Variants in TACC2 observed in about 807,000 individuals in gnomAD.
TACC2 encodes transforming acidic coiled-coil containing protein 2, also known as transforming acidic coiled-coil-containing protein 2.
A neutral mutation model predicts 227.3 loss-of-function variants in TACC2; 137 were observed. The observed-to-expected ratio is 0.60, with a 90% CI of 0.52 to 0.69. The LOEUF (loss-of-function observed/expected upper bound fraction) is 0.69. TACC2 is among the 30% of genes least tolerant of loss of function. The pLI, the probability that TACC2 is intolerant of heterozygous loss-of-function variation, is 0.00. For missense variants in TACC2, 3,470 were observed against 3,694.4 expected (o/e 0.94, Z 1.57); for synonymous variants, 1,523 against 1,487.5 (o/e 1.02, Z -0.55).
intron 2 of TACC2, among the ~76,000 whole-genome samples, chr10:122,048,535 G>A (rs973153023): frequency 7.0e-6 from 1 of 142,354 alleles, no homozygotes; most frequent in Admixed American, 7.6e-5. Flanking sequence ...TTCTGTTTCT[G>A]TTTTGTAGAG....
chr10:122,163,942 C>A (rs1315182403), intron 7 of TACC2: 3 of 1,584,998 alleles, frequency 1.9e-6, no homozygotes, highest in Non-Finnish European at 2.6e-6. Context: ...GGTCGCAGTC[C>A]CTGCAGCCAG....
intron 8 of TACC2, among the ~76,000 whole-genome samples, chr10:122,203,316 G>A (rs1279440266): frequency 1.5e-5 from 2 of 136,978 alleles, no homozygotes; most frequent in African/African-American, 3.4e-5. Flanking sequence ...AGGGGCGGCC[G>A]GGCAGAGGCG....
chr10:122,215,431 C>G lies in TACC2; in HGVS notation c.7324C>G (p.Leu2442Val), dbSNP rs2095382095. The change falls in exon 10 of 23, where the codon CTC (leucine) becomes GTC (valine). Residue 2442 changes from leucine (L) to valine (V), a missense_variant. Transcript: ENST00000369005. ...GAAAAAGTCGCCAAAACGGTCTCCTCTCTCTGATCCACCTTCCCAGGTACA... is the reference window on the plus strand; with the variant it reads ...GAAAAAGTCGCCAAAACGGTCTCCTGTCTCTGATCCACCTTCCCAGGTACA... ...RVKKSPKRSP[L>V]SDPPSQDPTP... 2 of 1,613,842 alleles carry G rather than the reference C, an allele frequency of 1.2e-6. No individual in the cohort carries two copies. Among genetic ancestry groups the G allele is most frequent in the African/African-American group, 1.3e-5 (1 of 74,896 alleles).
At chr10:122,246,039 C>T (rs1303286101) in intron 19 of TACC2, among the ~76,000 whole-genome samples, 1 of 151,982 alleles carries the variant, frequency 6.6e-6, no homozygotes, top group East Asian at 1.9e-4. Context: ...CTCTAGGAGT[C>T]CCACGATCGC....
intron 7 of TACC2, among the ~76,000 whole-genome samples, chr10:122,169,659 C>T (rs2093369130): frequency 6.6e-6 from 1 of 152,204 alleles, no homozygotes; most frequent in Non-Finnish European, 1.5e-5. Flanking sequence ...TTTCTGTTCT[C>T]TCTCTCTAAG....
At chr10:122,191,162 G>A (rs1335083481) in intron 7 of TACC2, among the ~76,000 whole-genome samples, 1 of 151,478 alleles carries the variant, frequency 6.6e-6, no homozygotes, top group Non-Finnish European at 1.5e-5. Flanking sequence ...CTGTCATTCA[G>A]TCTGGAGTAT....
chr10:122,093,554 T>C (rs2081059929), intron 5 of TACC2, among the ~76,000 whole-genome samples: 1 of 152,200 alleles, frequency 6.6e-6, no homozygotes, highest in Non-Finnish European at 1.5e-5. Context: ...TTATATGACA[T>C]AGGAAATCGA....
chr10:122,001,556 TA>T (rs1282624706), intron 1 of TACC2, among the ~76,000 whole-genome samples: 2 of 152,228 alleles, frequency 1.3e-5, no homozygotes, highest in African/African-American at 4.8e-5. Context: ...ATCATGTCTC[TA>T]AAAAATTAGG....
intron 3 of TACC2, chr10:122,051,249 A>C (rs1052174462): frequency 2.6e-5 from 4 of 152,168 alleles, no homozygotes; most frequent in Non-Finnish European, 1.5e-5. Context: ...ACGGGATTTC[A>C]CCATATTGGC....
At chr10:122,123,632 G>T (rs537730848) in intron 5 of TACC2, among the ~76,000 whole-genome samples, 10 of 152,224 alleles carry the variant, frequency 6.6e-5, no homozygotes, top group Middle Eastern at 3.4e-3. Context: ...CCATGAAAAT[G>T]CAGATCTTGG....
At chr10:122,163,951 A>C (rs144604119) in intron 7 of TACC2, 12 of 1,587,448 alleles carry the variant, frequency 7.6e-6, no homozygotes, top group Middle Eastern at 3.3e-4. Context: ...CCCTGCAGCC[A>C]GCCCCAGCCA....
rs759190818 is a variant in TACC2 at position 122,084,850 on chromosome 10, G to A, written c.2350G>A (p.Gly784Arg). 11 of 1,613,916 alleles carry A rather than the reference G, an allele frequency of 6.8e-6. No individual in the cohort carries two copies. In the South Asian group the frequency reaches 8.8e-5, roughly 13 times the overall value. ...FHAGVPHPPQ[G>R]ENLAADLGLT... ...TGCTGGGGTGCCACATCCCCCCCAG[G>A]GGGAGAACTTGGCAGCAGACCTGGG... Residue 784 changes from glycine to arginine, a missense_variant, in exon 4 of 23, where the codon GGG becomes AGG. Physicochemically the swap from Gly to Arg is moderately radical, Grantham distance 125. Coordinates refer to ENST00000369005, the MANE Select transcript of TACC2 (RefSeq NM_206862.4).
At chr10:122,037,906 T>C (rs987889504) in intron 2 of TACC2, among the ~76,000 whole-genome samples, 1 of 145,384 alleles carries the variant, frequency 6.9e-6, no homozygotes, top group African/African-American at 2.6e-5. Flanking sequence ...GGCTTTTTGT[T>C]GGTTTTTGTT....
intron 7 of TACC2, among the ~76,000 whole-genome samples, chr10:122,144,994 G>C (rs1016982158): frequency 6.6e-6 from 1 of 151,894 alleles, no homozygotes; most frequent in African/African-American, 2.4e-5. Context: ...AGCAGAGGTT[G>C]GGGAGCAGGA....
intron 7 of TACC2, among the ~76,000 whole-genome samples, chr10:122,165,380 CAGAAA>C (rs754717305): frequency 9.2e-5 from 14 of 152,154 alleles, no homozygotes; most frequent in Non-Finnish European, 1.9e-4. Flanking sequence ...GCTTAGGAAA[CAGAAA>C]GGACAATGTG....
intron 7 of TACC2, among the ~76,000 whole-genome samples, chr10:122,189,037 T>C (rs1019454239): frequency 6.6e-6 from 1 of 152,080 alleles, no homozygotes; most frequent in African/African-American, 2.4e-5. Flanking sequence ...CTTATTTAGC[T>C]AAATATTGAT....
intron 3 of TACC2, among the ~76,000 whole-genome samples, chr10:122,052,958 T>C (rs1217599477): frequency 6.6e-6 from 1 of 152,200 alleles, no homozygotes; most frequent in Non-Finnish European, 1.5e-5. Flanking sequence ...TAAAGAGCAT[T>C]TATCATTCAT....
intron 2 of TACC2, among the ~76,000 whole-genome samples, chr10:122,024,283 T>A (rs1338965173): frequency 3.3e-5 from 5 of 152,124 alleles, no homozygotes; most frequent in African/African-American, 1.2e-4. Context: ...GGAGGATTGC[T>A]TAAGCCTGGG....
intron 5 of TACC2, 60 bp from the exon 6 acceptor site, chr10:122,132,549 C>G (rs2088527445): frequency 1.2e-6 from 2 of 1,606,014 alleles, no homozygotes; most frequent in East Asian, 2.2e-5. Flanking sequence ...AACTCCGTCT[C>G]AAAACAAAAA....
Sources: gnomAD v4.1 joint callset for allele counts (sites outside exome capture counted in the v4.1 genomes callset) on GRCh38, gnomAD v4.1.1 for gene constraint, MANE v1.5 for transcripts, NCBI Gene and HGNC (gene_info 2026-07-23, HGNC 2026-07-21) for gene names.